ULK4: variants seen among roughly 807,000 people sequenced by gnomAD.
The protein encoded by ULK4 is inactive serine/threonine-protein kinase ULK4.
In ULK4, 133 loss-of-function variants were observed where a neutral mutation model predicts 160.6. The observed-to-expected ratio is 0.83, with a 90% confidence interval of 0.72 to 0.96. The LOEUF (loss-of-function observed/expected upper bound fraction) is 0.96. Ranked by LOEUF, ULK4 falls within the 40% of genes least tolerant of loss-of-function variation. The probability of loss-of-function intolerance (pLI) is 0.00; values close to 1 mark genes in which losing one functional copy is unlikely to be tolerated. For missense variants in ULK4, 1,580 were observed against 1,499.5 expected, an observed-to-expected ratio of 1.05 and a Z score of -0.89; for synonymous variants, 534 against 539.8, an observed-to-expected ratio of 0.99 and a Z score of 0.15.
intron 32 of ULK4, among the ~76,000 whole-genome samples, chr3:41,548,283 C>A (rs990541751): frequency 6.6e-6 from 1 of 152,066 alleles, no homozygotes; most frequent in Admixed American, 6.5e-5. Context: ...ATGTCTGTTG[C>A]CCCAGACACA....
chr3:41,893,006 G>A (rs138167779), intron 16 of ULK4, among the ~76,000 whole-genome samples: 2,055 of 152,292 alleles, frequency 0.013, 24 homozygotes, highest in Non-Finnish European at 0.018. Context: ...CATTGTCTCC[G>A]TGATTGGCTT....
intron 22 of ULK4, among the ~76,000 whole-genome samples, chr3:41,728,893 C>T (rs1035144911): frequency 6.6e-6 from 1 of 152,044 alleles, no homozygotes; most frequent in Non-Finnish European, 1.5e-5. Flanking sequence ...GATATATAAT[C>T]ACAGCAAACT....
intron 32 of ULK4, among the ~76,000 whole-genome samples, chr3:41,543,578 T>C (rs944666446): frequency 6.6e-6 from 1 of 152,200 alleles, no homozygotes; most frequent in African/African-American, 2.4e-5. Context: ...GTGGGATGTT[T>C]TTAATTACTA....
intron 20 of ULK4, among the ~76,000 whole-genome samples, chr3:41,793,853 A>C (rs911284939): frequency 2.6e-5 from 4 of 152,190 alleles, no homozygotes; most frequent in Non-Finnish European, 5.9e-5. Context: ...CCAACTACCA[A>C]TACCTACCAA....
intron 25 of ULK4, among the ~76,000 whole-genome samples, chr3:41,707,020 T>A (rs902081600): frequency 1.3e-5 from 2 of 151,978 alleles, no homozygotes; most frequent in Non-Finnish European, 2.9e-5. Context: ...CATTTCCAAT[T>A]GGTTGTATAA....
At chr3:41,596,442 A>G (rs961397342) in intron 31 of ULK4, among the ~76,000 whole-genome samples, 2 of 152,212 alleles carry the variant, frequency 1.3e-5, no homozygotes, top group African/African-American at 4.8e-5. Context: ...GGGTCAAGGG[A>G]ATTCGGGTGT....
At position 41,705,267 on chromosome 3, in the gene ULK4, T is replaced by C; in HGVS notation, c.2673A>G (p.Ile891Met). ...GGGTCTACTCACCTATGGCTCCATC[T>C]ATGTTCGTTTCTCCTGAGTCTACAG... Reference protein sequence around the residue: ...IKSVDSGETNIDGAIGLTASE... With the variant: ...IKSVDSGETNMDGAIGLTASE... Residue 891 changes from isoleucine (I) to methionine (M), a missense_variant, in exon 26 of 37, where the codon ATA becomes ATG. Physicochemically the swap from Ile to Met is conservative, Grantham distance 10. Transcript: ENST00000301831. 6.2e-7 allele frequency: 1 copy of C among 1,613,476 alleles called. No individual in the cohort carries two copies.
At chr3:41,499,458 A>G (rs1023622877) in intron 32 of ULK4, among the ~76,000 whole-genome samples, 2 of 152,136 alleles carry the variant, frequency 1.3e-5, no homozygotes, top group Non-Finnish European at 2.9e-5. Context: ...CTTCTTTCCT[A>G]TGTGTAGAGT....
intron 31 of ULK4, among the ~76,000 whole-genome samples, chr3:41,567,030 C>A (rs765877012): frequency 6.6e-6 from 1 of 152,094 alleles, no homozygotes; most frequent in Non-Finnish European, 1.5e-5. Context: ...CGTCCTGCGC[C>A]CATTCACCAT....
intron 35 of ULK4, among the ~76,000 whole-genome samples, chr3:41,364,884 C>T (rs1354026904): frequency 6.6e-6 from 1 of 152,134 alleles, no homozygotes; most frequent in East Asian, 1.9e-4. Context: ...TTCTCCAGAG[C>T]AGCATTTCTC....
intron 35 of ULK4, among the ~76,000 whole-genome samples, chr3:41,342,980 A>C (rs1401241310): frequency 1.3e-5 from 2 of 152,230 alleles, no homozygotes; most frequent in African/African-American, 2.4e-5. Context: ...ACATCCCTTC[A>C]TGTTAAAAAC....
intron 29 of ULK4, among the ~76,000 whole-genome samples, chr3:41,666,455 T>C (rs925402317): frequency 6.6e-5 from 10 of 152,100 alleles, no homozygotes; most frequent in African/African-American, 2.2e-4. Flanking sequence ...ATAGCATACA[T>C]CCCTAAGAAG....
At chr3:41,663,296 T>C (rs982646980) in intron 30 of ULK4, among the ~76,000 whole-genome samples, 6 of 152,146 alleles carry the variant, frequency 3.9e-5, no homozygotes, top group Admixed American at 2.6e-4. Flanking sequence ...TGAGATTTAA[T>C]AAACTGCTCA....
chr3:41,718,949 T>G (rs968475060), intron 22 of ULK4, among the ~76,000 whole-genome samples: 5 of 152,308 alleles, frequency 3.3e-5, no homozygotes, highest in Admixed American at 3.3e-4. Context: ...GCATCTTCTG[T>G]TCTAGTCAAC....
At chr3:41,459,969 A>G (rs138644591) in intron 33 of ULK4, among the ~76,000 whole-genome samples, 1 of 152,314 alleles carries the variant, frequency 6.6e-6, no homozygotes, top group East Asian at 1.9e-4. Context: ...ACTATGGGCT[A>G]TGACAGAAAA....
chr3:41,509,399 T>C (rs1387542747), intron 32 of ULK4, among the ~76,000 whole-genome samples: 1 of 152,150 alleles, frequency 6.6e-6, no homozygotes, highest in Non-Finnish European at 1.5e-5. Flanking sequence ...GGAAAACACA[T>C]TTAAGAGAAT....
At position 41,375,511 on chromosome 3, in the gene ULK4, C is replaced by T. The variant is rs1338144450; in HGVS notation, c.3678+22568G>A. 2.0e-5 allele frequency among the ~76,000 whole-genome samples: 3 copies of T among 150,074 alleles called. 1 individual carries two copies. Among genetic ancestry groups the T allele is most frequent in the African/African-American group, 7.5e-5 (3 of 40,096 alleles). On this transcript the variant is annotated intron_variant, in intron 35 of 36. Transcript: ENST00000301831. Reference sequence around the variant, plus strand: ...ACCATCTGATCTTTGACAAACCTGACAAAAACAAGCAATGGGCAAACGATT... The same window carrying T: ...ACCATCTGATCTTTGACAAACCTGATAAAAACAAGCAATGGGCAAACGATT...
At chr3:41,840,888 GGA>G (rs2041897564) in intron 17 of ULK4, among the ~76,000 whole-genome samples, 1 of 151,782 alleles carries the variant, frequency 6.6e-6, no homozygotes, top group African/African-American at 2.4e-5. Flanking sequence ...TGGGAAGTGA[GGA>G]GCGCCTCTGC....
At chr3:41,381,974 C>T (rs534527249) in intron 35 of ULK4, among the ~76,000 whole-genome samples, 1 of 152,228 alleles carries the variant, frequency 6.6e-6, no homozygotes, top group Admixed American at 6.5e-5. Flanking sequence ...ATATACCTGC[C>T]TTGTGGCCTT....
Sources: allele counts gnomAD v4.1 joint callset (sites outside exome capture counted in the v4.1 genomes callset), GRCh38; gene constraint gnomAD v4.1.1; transcripts MANE v1.5; gene names NCBI Gene and HGNC (gene_info 2026-07-23, HGNC 2026-07-21).